The following CUX2 variants were observed in gnomAD, a reference collection of about 807,000 sequenced individuals.
CUX2 encodes cut like homeobox 2, also known as homeobox protein cut-like 2.
In CUX2, 40 loss-of-function variants were observed where a neutral mutation model predicts 144.8. The observed-to-expected ratio is 0.28, with a 90% CI of 0.21 to 0.36. The LOEUF (loss-of-function observed/expected upper bound fraction) is 0.36. Ranked by LOEUF, CUX2 falls within the 10% of genes least tolerant of loss-of-function variation. The probability of loss-of-function intolerance (pLI) is 1.00; values close to 1 mark genes in which losing one functional copy is unlikely to be tolerated. For missense variants in CUX2, 1,615 were observed against 1,994.0 expected, an observed-to-expected ratio of 0.81 and a Z score of 3.62; for synonymous variants, 827 against 875.6, an observed-to-expected ratio of 0.94 and a Z score of 0.98.
At chr12:111,292,566 G>T (rs565846283) in intron 5 of CUX2, among the ~76,000 whole-genome samples, 1 of 152,204 alleles carries the variant, frequency 6.6e-6, no homozygotes, top group East Asian at 1.9e-4. Context: ...CTCCAGCCTG[G>T]GTGACAGAGC....
intron 4 of CUX2, among the ~76,000 whole-genome samples, chr12:111,290,052 T>C (rs747076563): frequency 6.6e-6 from 1 of 152,164 alleles, no homozygotes; most frequent in Non-Finnish European, 1.5e-5. Context: ...CTCAGAGCGA[T>C]GGATCTCAGA....
intron 1 of CUX2, among the ~76,000 whole-genome samples, chr12:111,207,677 C>G (rs1319466173): frequency 6.6e-6 from 1 of 152,084 alleles, no homozygotes; most frequent in African/African-American, 2.4e-5. Flanking sequence ...GCTTAGTGCA[C>G]TCAATAAATA....
At chr12:111,093,649 G>A (rs1009010250) in intron 1 of CUX2, among the ~76,000 whole-genome samples, 2 of 152,116 alleles carry the variant, frequency 1.3e-5, no homozygotes, top group Non-Finnish European at 2.9e-5. Context: ...ACGGGGGGGC[G>A]ATGAACACCT....
At chr12:111,265,309 T>TTTTTATTTTATTTTA (rs199678456) in intron 4 of CUX2, among the ~76,000 whole-genome samples, 124 of 143,718 alleles carry the variant, frequency 8.6e-4, no homozygotes, top group African/African-American at 3.2e-3. Flanking sequence ...TTTTATTTTA[T>TTTTTATTTTATTTTA]TTTTATTTTA....
chr12:111,045,327 C>A (rs1325495496), intron 1 of CUX2, among the ~76,000 whole-genome samples: 2 of 152,164 alleles, frequency 1.3e-5, no homozygotes, highest in Non-Finnish European at 2.9e-5. Context: ...TTTGTTGAGA[C>A]AGGTCATTTA....
At chr12:111,232,698 T>C (rs979137845) in intron 3 of CUX2, among the ~76,000 whole-genome samples, 2 of 152,122 alleles carry the variant, frequency 1.3e-5, no homozygotes, top group African/African-American at 4.8e-5. Context: ...CAAAGATGAA[T>C]ATATCTGACC....
intron 1 of CUX2, among the ~76,000 whole-genome samples, chr12:111,203,947 G>T (rs1211705584): frequency 6.6e-6 from 1 of 152,246 alleles, no homozygotes; most frequent in Non-Finnish European, 1.5e-5. Context: ...CGGAGCAGCT[G>T]CTGCCTCCCA....
At chr12:111,121,266 G>A (rs776186230) in intron 1 of CUX2, among the ~76,000 whole-genome samples, 12 of 151,646 alleles carry the variant, frequency 7.9e-5, no homozygotes, top group Admixed American at 2.0e-4. Context: ...CAGCGAACTC[G>A]GTCAAATTTT....
rs530470161 is a variant in CUX2 at position 111,185,861 on chromosome 12, A to G, written c.64-28339A>G. On this transcript the variant is annotated intron_variant, in intron 1 of 21. Transcript: ENST00000261726. Reference sequence around the variant, plus strand: ...CCACGGTCCGAGGGGGCTGCCTGCAATGTAGGAGCTGCTAGGCAGTAGTTG... The same window carrying G: ...CCACGGTCCGAGGGGGCTGCCTGCAGTGTAGGAGCTGCTAGGCAGTAGTTG... 1.3e-4 allele frequency among the ~76,000 whole-genome samples: 20 copies of G among 152,094 alleles called. No individual in the cohort carries two copies. In the South Asian group the frequency reaches 3.9e-3, roughly 30 times the overall value.
intron 4 of CUX2, among the ~76,000 whole-genome samples, chr12:111,269,807 G>A (rs1428760727): frequency 1.3e-5 from 2 of 152,018 alleles, no homozygotes; most frequent in Non-Finnish European, 2.9e-5. Context: ...TTTCCCCAAA[G>A]CCCGGGAGCA....
intron 3 of CUX2, among the ~76,000 whole-genome samples, chr12:111,239,361 T>G (rs1882910415): frequency 6.6e-6 from 1 of 152,218 alleles, no homozygotes. Context: ...TCCACAGTGA[T>G]AATTGCCTTG....
intron 1 of CUX2, among the ~76,000 whole-genome samples, chr12:111,078,879 G>C (rs1871694375): frequency 6.6e-6 from 1 of 152,132 alleles, no homozygotes; most frequent in East Asian, 1.9e-4. Flanking sequence ...GGATGGGTTC[G>C]ATCATTCTGG....
At chr12:111,163,360 T>C (rs2136154444) in intron 1 of CUX2, among the ~76,000 whole-genome samples, 1 of 152,334 alleles carries the variant, frequency 6.6e-6, no homozygotes, top group African/African-American at 2.4e-5. Flanking sequence ...ACTCAACCAT[T>C]GTAACCGAAT....
chr12:111,190,697 A>G lies in CUX2; in HGVS notation c.64-23503A>G, dbSNP rs187277475. 1.2e-4 allele frequency among the ~76,000 whole-genome samples: 19 copies of G among 152,320 alleles called. No individual in the cohort carries two copies. The East Asian group carries it at 2.9e-3, about 23-fold the overall frequency. ...TGGTTGGTCCCAGATGCGAGGAGCA[A>G]AGGCAAAAGAGAGGCAGGTGGGCAT... is the stretch of plus-strand genomic sequence containing the variant. On this transcript the variant is annotated intron_variant, in intron 1 of 21. Coordinates refer to ENST00000261726, the MANE Select transcript of CUX2 (RefSeq NM_015267.4). This position sits in a 1 kb window ranked among gnomAD's most constrained non-coding sequence, Gnocchi z 4.0.
intron 1 of CUX2, among the ~76,000 whole-genome samples, chr12:111,120,181 A>G (rs1045795677): frequency 6.6e-6 from 1 of 152,142 alleles, no homozygotes; most frequent in African/African-American, 2.4e-5. Context: ...GTTTCTCTAA[A>G]TTCTATGAGG....
intron 1 of CUX2, among the ~76,000 whole-genome samples, chr12:111,042,425 G>A (rs1869793306): frequency 6.6e-6 from 1 of 152,134 alleles, no homozygotes; most frequent in East Asian, 1.9e-4. Context: ...GGGATGTGGT[G>A]TGAGCTGCGG....
chr12:111,314,324 C>T (rs1187346136), intron 16 of CUX2, among the ~76,000 whole-genome samples: 4 of 113,940 alleles, frequency 3.5e-5, no homozygotes, highest in African/African-American at 1.9e-4. Flanking sequence ...CCACCTGCCT[C>T]GGCTCCCAAA....
At chr12:111,197,475 G>A (rs1050099176) in intron 1 of CUX2, among the ~76,000 whole-genome samples, 8 of 152,208 alleles carry the variant, frequency 5.3e-5, no homozygotes, top group Non-Finnish European at 1.2e-4. Context: ...TGGCACAGAG[G>A]GGATGCTCCT....
chr12:111,199,975 G>C (rs1880479697), intron 1 of CUX2, among the ~76,000 whole-genome samples: 1 of 152,146 alleles, frequency 6.6e-6, no homozygotes, highest in African/African-American at 2.4e-5. Context: ...GTGGTACCCT[G>C]CTCTTCGGTT....
Sources: allele counts gnomAD v4.1 joint callset (sites outside exome capture counted in the v4.1 genomes callset), GRCh38; gene constraint gnomAD v4.1.1; non-coding constraint Gnocchi (gnomAD v3.1); transcripts MANE v1.5; gene names NCBI Gene and HGNC (gene_info 2026-07-23, HGNC 2026-07-21).